CPEB1: variants seen among roughly 807,000 people sequenced by gnomAD.
The protein encoded by CPEB1 is cytoplasmic polyadenylation element-binding protein 1.
In CPEB1, 7 loss-of-function variants were observed where a neutral mutation model predicts 65.8. The observed-to-expected ratio is 0.11, with a 90% CI of 0.06 to 0.20. The LOEUF (loss-of-function observed/expected upper bound fraction) is 0.20, where lower values mean the gene tolerates loss of function less well. Among genes scored for constraint, CPEB1 ranks in the 10% least tolerant of loss-of-function variants. The probability of loss-of-function intolerance (pLI) is 1.00; values close to 1 mark genes in which losing one functional copy is unlikely to be tolerated. For synonymous variants in CPEB1, 262 were observed against 260.0 expected (o/e 1.01, Z -0.08); for missense variants, 551 against 712.2 (o/e 0.77, Z 2.58).
In CPEB1 at chr15:82,590,095, G is replaced by A. The variant is rs140802942; in HGVS notation, c.272-18563C>T. Among the ~76,000 whole-genome samples, 8 of 151,294 alleles carry A rather than the reference G, an allele frequency of 5.3e-5. No individual in the cohort carries two copies. In the East Asian group the frequency reaches 7.8e-4, roughly 15 times the overall value. ...TTCATAGCTTTTCTACAGGAGAGCAGACACAGTATCTGCACTTTTCACATC... is the reference window on the plus strand; with the variant it reads ...TTCATAGCTTTTCTACAGGAGAGCAAACACAGTATCTGCACTTTTCACATC... On this transcript the variant is annotated intron_variant, in intron 3 of 12. Transcript: ENST00000684509.
chr15:82,597,075 G>C (rs933455401), intron 3 of CPEB1, among the ~76,000 whole-genome samples: 5 of 152,202 alleles, frequency 3.3e-5, no homozygotes, highest in African/African-American at 1.2e-4. Flanking sequence ...TGTAATCCCA[G>C]TGCTTTTGGA....
intron 3 of CPEB1, among the ~76,000 whole-genome samples, chr15:82,577,368 T>A (rs1354082856): frequency 6.6e-6 from 1 of 151,870 alleles, no homozygotes; most frequent in East Asian, 2.0e-4. Flanking sequence ...TGCAAAGGTG[T>A]ATTTTTAAAC....
chr15:82,563,606 T>G (rs1356747351), intron 4 of CPEB1, among the ~76,000 whole-genome samples: 2 of 151,406 alleles, frequency 1.3e-5, no homozygotes, highest in East Asian at 3.9e-4. Flanking sequence ...CCTCCCAAAG[T>G]ACTCAGGTCA....
At chr15:82,639,800 C>T (rs1011111957) in intron 1 of CPEB1, among the ~76,000 whole-genome samples, 1 of 152,060 alleles carries the variant, frequency 6.6e-6, no homozygotes, top group Non-Finnish European at 1.5e-5. Context: ...TGGTACATTT[C>T]AGGCAGAGGC....
intron 3 of CPEB1, among the ~76,000 whole-genome samples, chr15:82,619,341 A>G (rs1455199347): frequency 6.6e-6 from 1 of 152,252 alleles, no homozygotes; most frequent in Non-Finnish European, 1.5e-5. Context: ...AAACAACTTT[A>G]GAAAAGAAAC....
chr15:82,565,530 A>C (rs1306685011), intron 4 of CPEB1, among the ~76,000 whole-genome samples: 1 of 152,234 alleles, frequency 6.6e-6, no homozygotes, highest in African/African-American at 2.4e-5. Flanking sequence ...ATTCTCTTTA[A>C]GCCACACAAA....
chr15:82,614,729 T>TA (rs1193618729), intron 3 of CPEB1, among the ~76,000 whole-genome samples: 2 of 151,574 alleles, frequency 1.3e-5, no homozygotes, highest in Non-Finnish European at 2.9e-5. Context: ...AAAAGATCTT[T>TA]AAAAAAAAGA....
chr15:82,647,992 A>C (rs1271335901), upstream of CPEB1: 4 of 761,384 alleles, frequency 5.3e-6, no homozygotes, highest in Non-Finnish European at 5.3e-6. Flanking sequence ...CCGGCAGCTT[A>C]TGAAGCTCCT....
intron 1 of CPEB1, among the ~76,000 whole-genome samples, chr15:82,633,964 TAAA>T (rs112776351): frequency 6.0e-5 from 8 of 133,230 alleles, no homozygotes; most frequent in East Asian, 2.2e-4. Context: ...CCTAAAGGTA[TAAA>T]AAAAAAAAAA....
At chr15:82,627,985 C>T (rs975440822) in intron 2 of CPEB1, among the ~76,000 whole-genome samples, 2 of 152,024 alleles carry the variant, frequency 1.3e-5, no homozygotes, top group Non-Finnish European at 2.9e-5. Flanking sequence ...TATACATGCC[C>T]CCAAATACAA....
At chr15:82,613,807 C>T in intron 3 of CPEB1, among the ~76,000 whole-genome samples, 1 of 152,264 alleles carries the variant, frequency 6.6e-6, no homozygotes, top group South Asian at 2.1e-4. Flanking sequence ...ACAAGCTCCC[C>T]CCGGGGAGAG....
intron 3 of CPEB1, among the ~76,000 whole-genome samples, chr15:82,595,418 T>G (rs969894403): frequency 6.6e-6 from 1 of 152,260 alleles, no homozygotes; most frequent in African/African-American, 2.4e-5. Flanking sequence ...TAGCAATGTA[T>G]AAGAGTTTCA....
chr15:82,593,500 T>C (rs185350222), intron 3 of CPEB1, among the ~76,000 whole-genome samples: 1 of 152,344 alleles, frequency 6.6e-6, no homozygotes, highest in Non-Finnish European at 1.5e-5. Context: ...CCACCACGTG[T>C]GTAGTTACTT....
intron 9 of CPEB1, among the ~76,000 whole-genome samples, chr15:82,551,085 C>A (rs184835933): frequency 3.7e-4 from 56 of 152,222 alleles, no homozygotes; most frequent in Non-Finnish European, 6.6e-4. Flanking sequence ...GAAGACTACA[C>A]AAGCTCCAGA....
chr15:82,570,376 AC>A (rs1399889266), intron 4 of CPEB1, among the ~76,000 whole-genome samples: 7 of 137,774 alleles, frequency 5.1e-5, no homozygotes, highest in Non-Finnish European at 1.1e-4. Context: ...TGGCTGTACC[AC>A]CCCCTCCCCC....
intron 1 of CPEB1, among the ~76,000 whole-genome samples, chr15:82,634,368 G>A (rs1396575180): frequency 6.6e-6 from 1 of 152,140 alleles, no homozygotes; most frequent in East Asian, 1.9e-4. Context: ...ATACTCCCCA[G>A]ACCCAGCATT....
At chr15:82,581,866 T>C (rs895691511) in intron 3 of CPEB1, among the ~76,000 whole-genome samples, 2 of 152,182 alleles carry the variant, frequency 1.3e-5, no homozygotes, top group Non-Finnish European at 2.9e-5. Flanking sequence ...GATGGTCCCA[T>C]AGGTAAGTAT....
intron 3 of CPEB1, among the ~76,000 whole-genome samples, chr15:82,588,094 T>C (rs111566988): frequency 0.014 from 1,928 of 141,854 alleles, 33 homozygotes; most frequent in African/African-American, 0.047. Context: ...ACTAGGTTTT[T>C]TTTTGTTTGT....
intron 8 of CPEB1, 50 bp from the exon 9 acceptor site, chr15:82,552,666 T>C (rs1474511940): frequency 1.3e-6 from 2 of 1,564,762 alleles, no homozygotes; most frequent in Non-Finnish European, 1.8e-6. Flanking sequence ...AGGTGGCCAC[T>C]CCTCAGCCTT....
Sources: allele counts gnomAD v4.1 joint callset (sites outside exome capture counted in the v4.1 genomes callset), GRCh38; gene constraint gnomAD v4.1.1; transcripts MANE v1.5; gene names NCBI Gene and HGNC (gene_info 2026-07-23, HGNC 2026-07-21).